Variants in ZNF423 observed in about 807,000 individuals in gnomAD.
The protein encoded by ZNF423 is Ebf-associated zinc finger protein.
ZNF423 carries 12 observed loss-of-function variants against 95.8 expected under a neutral mutation model. That is an observed-to-expected ratio of 0.13 (90% CI 0.08 to 0.20). The LOEUF (loss-of-function observed/expected upper bound fraction) is 0.20, where lower values mean the gene tolerates loss of function less well. Among genes scored for constraint, ZNF423 ranks in the 10% least tolerant of loss-of-function variants. The pLI, the probability that ZNF423 is intolerant of heterozygous loss-of-function variation, is 1.00. For missense variants in ZNF423, 1,316 were observed against 1,737.1 expected, an observed-to-expected ratio of 0.76 and a Z score of 4.31; for synonymous variants, 749 against 711.9, an observed-to-expected ratio of 1.05 and a Z score of -0.83.
In ZNF423 at chr16:49,637,983, G is replaced by C. The variant is rs112570445; in HGVS notation, c.1193C>G (p.Pro398Arg). ...CCGCATCTTCTTCTGCCCCCGCAGC[G>C]GCTTCAAGGTGGAGTCCGGGGTGGA... Reference protein sequence around the residue: ...RGSTPDSTLKPLRGQKKMRDD... With the variant: ...RGSTPDSTLKRLRGQKKMRDD... The change falls in exon 4 of 8, where the codon CCG becomes CGG. Residue 398 changes from proline to arginine, a missense_variant. Around this residue, in one of 6 missense-constraint regions of ZNF423, gnomAD observed 399 missense variants for 478.5 expected, o/e 0.83. Coordinates refer to ENST00000563137, the MANE Select transcript of ZNF423 (RefSeq NM_001379286.1). The surrounding 1 kb of genome is among the most constrained non-coding windows in gnomAD (Gnocchi z 5.6). The C allele has an allele frequency of 2.5e-6, 4 of 1,614,002 alleles. No homozygotes were observed. Among genetic ancestry groups the C allele is most frequent in the Non-Finnish European group, 3.4e-6 (4 of 1,180,052 alleles).
At chr16:49,750,413 G>A (rs1689750198) in intron 2 of ZNF423, among the ~76,000 whole-genome samples, 1 of 152,212 alleles carries the variant, frequency 6.6e-6, no homozygotes, top group African/African-American at 2.4e-5. Flanking sequence ...TGGGCTGGGT[G>A]TTTCTGGGAA....
intron 2 of ZNF423, among the ~76,000 whole-genome samples, chr16:49,784,148 C>A (rs753779709): frequency 6.6e-6 from 1 of 152,102 alleles, no homozygotes; most frequent in African/African-American, 2.4e-5. Flanking sequence ...GGTCTGGTGG[C>A]TCCTCCAAAG....
chr16:49,607,959 C>A (rs1364358227), intron 5 of ZNF423, among the ~76,000 whole-genome samples: 2 of 152,222 alleles, frequency 1.3e-5, no homozygotes, highest in East Asian at 3.9e-4. Flanking sequence ...CCTCCCAACT[C>A]CCATGACAAC....
intron 2 of ZNF423, among the ~76,000 whole-genome samples, chr16:49,734,583 T>C (rs2033242409): frequency 6.6e-6 from 1 of 152,176 alleles, no homozygotes; most frequent in South Asian, 2.1e-4. Context: ...TCCCCTGTCC[T>C]CCTGGGGGCT....
chr16:49,761,079 C>T (rs1315423490), intron 2 of ZNF423, among the ~76,000 whole-genome samples: 1 of 152,128 alleles, frequency 6.6e-6, no homozygotes, highest in Admixed American at 6.5e-5. Flanking sequence ...CACACACACA[C>T]CCTCTGAGAA....
intron 3 of ZNF423, among the ~76,000 whole-genome samples, chr16:49,680,466 C>T (rs925143054): frequency 6.6e-6 from 1 of 152,222 alleles, no homozygotes; most frequent in Admixed American, 6.5e-5. Flanking sequence ...TACCATGTTG[C>T]AGGCAATGAG....
At chr16:49,799,361 A>G (rs1024200243) in intron 1 of ZNF423, among the ~76,000 whole-genome samples, 1 of 152,212 alleles carries the variant, frequency 6.6e-6, no homozygotes, top group Non-Finnish European at 1.5e-5. Context: ...CTGGAAAGAC[A>G]GGAGAGCTGA....
At chr16:49,716,648 A>G (rs12448972) in intron 3 of ZNF423, among the ~76,000 whole-genome samples, 57,657 of 152,024 alleles carry the variant, frequency 0.38, 11,990 homozygotes, top group African/African-American at 0.55. Context: ...ATTTTAGACC[A>G]GTGCCAGAGT....
intron 2 of ZNF423, among the ~76,000 whole-genome samples, chr16:49,753,801 C>T (rs376551767): frequency 2.6e-5 from 4 of 151,922 alleles, no homozygotes; most frequent in Admixed American, 1.3e-4. Context: ...GAGGCCAAGG[C>T]GGGCGGATCA....
intron 2 of ZNF423, among the ~76,000 whole-genome samples, chr16:49,741,305 G>A (rs1326873367): frequency 6.6e-6 from 1 of 151,980 alleles, no homozygotes; most frequent in Non-Finnish European, 1.5e-5. Flanking sequence ...GACCAGCATG[G>A]CCAACATGGT....
chr16:49,850,058 T>TA (rs1259851188), intron 1 of ZNF423, among the ~76,000 whole-genome samples: 1 of 152,238 alleles, frequency 6.6e-6, no homozygotes, highest in Non-Finnish European at 1.5e-5. Flanking sequence ...GCATTCTCCT[T>TA]AAAGACAGCC....
chr16:49,733,142 G>GTCA (rs2033207921), intron 2 of ZNF423, among the ~76,000 whole-genome samples: 3 of 152,046 alleles, frequency 2.0e-5, no homozygotes, highest in South Asian at 2.1e-4. Flanking sequence ...GATATTGTAA[G>GTCA]TCATCATACA....
chr16:49,588,767 A>C (rs1970918846), intron 5 of ZNF423, among the ~76,000 whole-genome samples: 1 of 152,238 alleles, frequency 6.6e-6, no homozygotes, highest in African/African-American at 2.4e-5. Flanking sequence ...ATCCAAAGCC[A>C]AGCAAGAATA....
At chr16:49,845,354 C>G (rs940447555) in intron 1 of ZNF423, among the ~76,000 whole-genome samples, 17 of 151,800 alleles carry the variant, frequency 1.1e-4, no homozygotes, top group African/African-American at 3.9e-4. Context: ...ATCTGCCCCC[C>G]TCAGCCTCCC....
chr16:49,725,277 G>C (rs1482264733), intron 3 of ZNF423, among the ~76,000 whole-genome samples: 2 of 152,152 alleles, frequency 1.3e-5, no homozygotes, highest in African/African-American at 4.8e-5. Context: ...CCTAGCTCAG[G>C]AGGCTGAGGC....
intron 4 of ZNF423, among the ~76,000 whole-genome samples, chr16:49,629,861 AC>A (rs1450550332): frequency 7.2e-5 from 11 of 152,224 alleles, no homozygotes; most frequent in Non-Finnish European, 1.5e-4. Context: ...CGCAGGCCTT[AC>A]CTAGAGTCAG....
chr16:49,657,754 G>A lies in ZNF423; in HGVS notation c.302-18880C>T, dbSNP rs541057621. ...TCCTACTTCCTGGGAGTGCCTCCTC[G>A]CCACATATGTGCACTAAGTCCTTGC... On this transcript the variant is annotated intron_variant, in intron 3 of 7. Transcript: ENST00000563137. Among the ~76,000 whole-genome samples, 32 of 152,270 alleles carry A rather than the reference G, an allele frequency of 2.1e-4. No individual in the cohort carries two copies. In the East Asian group the frequency reaches 5.2e-3, roughly 25 times the overall value.
chr16:49,854,863 A>C (rs2035341642), intron 1 of ZNF423: 5 of 984,906 alleles, frequency 5.1e-6, no homozygotes, highest in Non-Finnish European at 3.6e-6. Context: ...GCTCCCCACA[A>C]ACGCGCGCAC....
chr16:49,844,183 A>G (rs2035219787), intron 1 of ZNF423, among the ~76,000 whole-genome samples: 2 of 151,870 alleles, frequency 1.3e-5, no homozygotes, highest in African/African-American at 2.4e-5. Flanking sequence ...TCAGGAGGCT[A>G]AGGAAGGAGG....
Sources: gnomAD v4.1 joint callset for allele counts (sites outside exome capture counted in the v4.1 genomes callset) on GRCh38, gnomAD v4.1.1 for gene constraint, gnomAD v4.1.1 regional missense constraint, Gnocchi (gnomAD v3.1) non-coding constraint, MANE v1.5 for transcripts, NCBI Gene and HGNC (gene_info 2026-07-23, HGNC 2026-07-21) for gene names.